Variants in XYLT1 observed in about 807,000 individuals in gnomAD.
XYLT1 encodes the protein xylosyltransferase 1, also known as beta-D-xylosyltransferase 1.
A neutral mutation model predicts 91.3 loss-of-function variants in XYLT1; 36 were observed. The ratio of observed to expected loss-of-function variants is 0.39; its 90% CI spans 0.30 to 0.52. XYLT1 has a LOEUF of 0.52. Among genes scored for constraint, XYLT1 ranks in the 20% least tolerant of loss-of-function variants. XYLT1 has a pLI of 0.68. For missense variants in XYLT1, 1,242 were observed against 1,284.5 expected, an observed-to-expected ratio of 0.97 and a Z score of 0.51; for synonymous variants, 588 against 532.0, an observed-to-expected ratio of 1.11 and a Z score of -1.45.
chr16:17,392,876 T>G (rs551647642), intron 1 of XYLT1, among the ~76,000 whole-genome samples: 2 of 152,354 alleles, frequency 1.3e-5, no homozygotes, highest in Non-Finnish European at 2.9e-5. Context: ...TTATCCCATG[T>G]AAAATACAGA....
chr16:17,455,476 C>G (rs1029300613), intron 1 of XYLT1, among the ~76,000 whole-genome samples: 3 of 152,026 alleles, frequency 2.0e-5, no homozygotes, highest in Non-Finnish European at 4.4e-5. Flanking sequence ...AATGGCTGGG[C>G]ACAGCAGCTC....
At chr16:17,413,212 A>G (rs1596533039) in intron 1 of XYLT1, among the ~76,000 whole-genome samples, 1 of 152,176 alleles carries the variant, frequency 6.6e-6, no homozygotes, top group Non-Finnish European at 1.5e-5. Context: ...AAGAAGTAAC[A>G]TATCTGATGA....
chr16:17,243,658 C>T (rs1201338724), intron 3 of XYLT1, among the ~76,000 whole-genome samples: 1 of 152,204 alleles, frequency 6.6e-6, no homozygotes, highest in Non-Finnish European at 1.5e-5. Flanking sequence ...CCGACTCAAG[C>T]TTTCACTGCT....
intron 6 of XYLT1, among the ~76,000 whole-genome samples, chr16:17,142,223 C>T (rs900382039): frequency 2.6e-5 from 4 of 152,234 alleles, no homozygotes; most frequent in South Asian, 2.1e-4. Context: ...CAGGGTCTCA[C>T]GATGTTGCTT....
At chr16:17,405,783 C>A (rs1325534441) in intron 1 of XYLT1, among the ~76,000 whole-genome samples, 1 of 152,192 alleles carries the variant, frequency 6.6e-6, no homozygotes, top group Non-Finnish European at 1.5e-5. Flanking sequence ...GCCCCTGATG[C>A]ATGATGAGAG....
chr16:17,129,072 G>GAAAAAAAA (rs34234422), intron 9 of XYLT1, among the ~76,000 whole-genome samples: 9 of 95,202 alleles, frequency 9.5e-5, no homozygotes, highest in African/African-American at 1.3e-4. Context: ...AGGGAGCATA[G>GAAAAAAAA]AAAAAAAAAA....
chr16:17,465,143 CAAAAAAAAAAAAAAA>C lies in XYLT1; in HGVS notation c.363+5276_363+5290del, dbSNP rs35623153. ...TGGGTGACAGAGCAAGATGCTGTCT[CAAAAAAAAAAAAAAA>C]AAAAAAAAAAAAAGATTTTTGGGAA... is the stretch of plus-strand genomic sequence containing the variant. On this transcript the variant is annotated intron_variant, in intron 1 of 11. Transcript: ENST00000261381. 1.7e-4 allele frequency among the ~76,000 whole-genome samples: 6 copies of C among 35,886 alleles called. No individual in the cohort carries two copies. The South Asian group carries it at 5.3e-3, about 32-fold the overall frequency. The allele number at this position is 35,886 out of a possible 152,430, so 23.5% of individuals were successfully genotyped here.
At chr16:17,235,468 G>A (rs1596439467) in intron 3 of XYLT1, among the ~76,000 whole-genome samples, 1 of 152,004 alleles carries the variant, frequency 6.6e-6, no homozygotes, top group Admixed American at 6.6e-5. Context: ...CTGGCCAAAG[G>A]TCACACAGCT....
At chr16:17,222,775 G>A (rs1214318618) in intron 3 of XYLT1, among the ~76,000 whole-genome samples, 1 of 116,818 alleles carries the variant, frequency 8.6e-6, no homozygotes, top group African/African-American at 3.5e-5. Flanking sequence ...GGGTGACAGA[G>A]CAAAACTCTG....
intron 3 of XYLT1, among the ~76,000 whole-genome samples, chr16:17,224,404 A>T (rs931325137): frequency 6.6e-6 from 1 of 152,234 alleles, no homozygotes; most frequent in Non-Finnish European, 1.5e-5. Flanking sequence ...TTTGGGGGCA[A>T]GAGCCATCTG....
chr16:17,354,420 C>T (rs574601815), intron 2 of XYLT1, among the ~76,000 whole-genome samples: 1 of 152,194 alleles, frequency 6.6e-6, no homozygotes, highest in Non-Finnish European at 1.5e-5. Flanking sequence ...GACAGATTAA[C>T]CAAGCGATGG....
intron 6 of XYLT1, among the ~76,000 whole-genome samples, chr16:17,145,791 G>A (rs2031115299): frequency 6.6e-6 from 1 of 152,236 alleles, no homozygotes; most frequent in South Asian, 2.1e-4. Flanking sequence ...AGACAGGGCA[G>A]GTAGCCAGGG....
chr16:17,253,111 G>A (rs1192059856), intron 3 of XYLT1, among the ~76,000 whole-genome samples: 5 of 152,300 alleles, frequency 3.3e-5, no homozygotes, highest in Non-Finnish European at 5.9e-5. Flanking sequence ...CCCGTATGGG[G>A]TGTAATTACA....
intron 9 of XYLT1, 94 bp from the exon 10 acceptor site, chr16:17,127,955 T>A: frequency 1.7e-6 from 2 of 1,211,620 alleles, no homozygotes; most frequent in Non-Finnish European, 2.3e-6. Flanking sequence ...CCTAAAGCAG[T>A]CCCCATTGTG....
intron 1 of XYLT1, 103 bp downstream of exon 1, chr16:17,470,331 A>C: frequency 1.0e-4 from 120 of 1,154,814 alleles, no homozygotes; most frequent in East Asian, 1.8e-4. Context: ...GTAGGCTTGC[A>C]GAGTCCCAGT....
At chr16:17,331,577 A>C (rs1178356503) in intron 2 of XYLT1, among the ~76,000 whole-genome samples, 3 of 152,188 alleles carry the variant, frequency 2.0e-5, no homozygotes, top group Non-Finnish European at 4.4e-5. Flanking sequence ...GGAGGGATTA[A>C]ACCACCCTTT....
rs8058155 is a variant in XYLT1, at chr16:17,136,656, C to T, written c.1764+1699G>A. 7.1e-3 allele frequency among the ~76,000 whole-genome samples: 1,077 copies of T among 152,266 alleles called. 14 individuals carry two copies. Among genetic ancestry groups the T allele is most frequent in the African/African-American group, 0.024 (1,010 of 41,560 alleles). ...AAACTCCTTTCTCTGCCTGCGATTC[C>T]GACCATAGCTGGATCTTCTAACAAA... On this transcript the variant is annotated intron_variant, in intron 8 of 11. Transcript: ENST00000261381.
chr16:17,338,608 C>T (rs1031891706), intron 2 of XYLT1: 3 of 413,392 alleles, frequency 7.3e-6, no homozygotes, highest in Non-Finnish European at 1.5e-5. Context: ...CCTGGTCATT[C>T]GTGGCCTGCT....
chr16:17,273,678 T>C (rs1452153070), intron 2 of XYLT1, among the ~76,000 whole-genome samples: 2 of 151,886 alleles, frequency 1.3e-5, no homozygotes, highest in African/African-American at 4.8e-5. Context: ...ACCCTGTCTC[T>C]ACTGAAAATA....
Sources: gnomAD v4.1 joint callset for allele counts (sites outside exome capture counted in the v4.1 genomes callset) on GRCh38, gnomAD v4.1.1 for gene constraint, MANE v1.5 for transcripts, NCBI Gene and HGNC (gene_info 2026-07-23, HGNC 2026-07-21) for gene names.